Variants in FGF13 observed in about 807,000 individuals in gnomAD.
FGF13 encodes the protein fibroblast growth factor homologous factor 2.
A neutral mutation model predicts 19.5 loss-of-function variants in FGF13; 2 were observed. That is an observed-to-expected ratio of 0.10 (90% CI 0.04 to 0.32). FGF13 has a LOEUF of 0.32. Ranked by LOEUF, FGF13 falls within the 10% of genes least tolerant of loss-of-function variation. The probability of loss-of-function intolerance (pLI) is 1.00; values close to 1 mark genes in which losing one functional copy is unlikely to be tolerated. For synonymous variants in FGF13, 72 were observed against 76.9 expected (o/e 0.94, Z 0.33); for missense variants, 113 against 192.7 (o/e 0.59, Z 2.45).
At chrX:138,911,220 GC>G (rs772494021) in intron 1 of FGF13, among the ~76,000 whole-genome samples, 1 of 111,645 alleles carries the variant, frequency 9.0e-6, no homozygotes, top group Admixed American at 9.5e-5. Flanking sequence ...GCACCTCCAG[GC>G]CATTGTTCCA....
chrX:138,737,224 C>A, intron 1 of FGF13, among the ~76,000 whole-genome samples: 1 of 111,150 alleles, frequency 9.0e-6, no homozygotes, highest in Middle Eastern at 4.6e-3. Context: ...CTTGTGGATG[C>A]GGTGGCTGGG....
intron 1 of FGF13, among the ~76,000 whole-genome samples, chrX:139,175,432 T>C (rs1368038877): frequency 8.9e-6 from 1 of 112,020 alleles, no homozygotes; most frequent in Non-Finnish European, 1.9e-5. Context: ...GAACTTCCAA[T>C]ACAATGTTGA....
intron 1 of FGF13, among the ~76,000 whole-genome samples, chrX:139,061,424 A>G (rs765021954): frequency 1.4e-4 from 15 of 110,992 alleles, no homozygotes; most frequent in Non-Finnish European, 2.6e-4. Flanking sequence ...TTAGTTACCC[A>G]GAGAGAATGC....
intron 1 of FGF13, among the ~76,000 whole-genome samples, chrX:139,148,269 T>C (rs747237420): frequency 9.0e-6 from 1 of 111,455 alleles, no homozygotes; most frequent in Non-Finnish European, 1.9e-5. Flanking sequence ...TTTTTTCCTG[T>C]TTCCTCACTC....
In FGF13 at chrX:138,616,731, G is replaced by A. The variant is rs1374707016; in HGVS notation, c.*16119C>T. 1 of 112,415 alleles carries A rather than the reference G, an allele frequency of 8.9e-6. No individual in the cohort carries two copies. Among genetic ancestry groups the A allele is most frequent in the Admixed American group, 9.4e-5 (1 of 10,640 alleles). 9.3% of individuals were successfully genotyped at this position (112,415 alleles called of 1,213,427 possible). ...CTACCCCTGCAGCAGACTTCTGTCT[G>A]GACATCCAGGCATTTCCATACATCC... On this transcript the variant is annotated 3_prime_UTR_variant, in exon 5 of 5. Coordinates refer to ENST00000315930, the MANE Select transcript of FGF13 (RefSeq NM_004114.5).
Position 138,880,245 on chromosome X carries a change from A to G in FGF13, c.-112-15595T>C, listed in dbSNP as rs1326503759. On this transcript the variant is annotated intron_variant, in intron 1 of 2. Transcript: ENST00000421460. Reference sequence around the variant, plus strand: ...TACACTGTTGATGGGAGTGTAAATTAGTTCAACCATTGTGGAAGACAGTGT... The same window carrying G: ...TACACTGTTGATGGGAGTGTAAATTGGTTCAACCATTGTGGAAGACAGTGT... Among the ~76,000 whole-genome samples, 28 of 112,199 alleles carry G rather than the reference A, an allele frequency of 2.5e-4. No individual in the cohort carries two copies. The Admixed American group carries it at 2.6e-3, about 11-fold the overall frequency.
Position 139,054,117 on chromosome X carries a change from CTTTTTTTTTTTT to C in FGF13, c.-113+149287_-113+149298del, listed in dbSNP as rs58544411. On this transcript the variant is annotated intron_variant, in intron 1 of 2. Coordinates refer to the FGF13 transcript ENST00000421460. Reference sequence around the variant, plus strand: ...TGTTCTGTTCGATTGGTCTACGTGCCTTTTTTTTTTTTTTTTTTTTTTTTTGAGATGGAGTCT... The same window carrying C: ...TGTTCTGTTCGATTGGTCTACGTGCCTTTTTTTTTTTTTGAGATGGAGTCT... Among the ~76,000 whole-genome samples the C allele has an allele frequency of 1.2e-4, 4 of 33,959 alleles. No homozygotes were observed. In the East Asian group the frequency reaches 3.2e-3, roughly 27 times the overall value. The allele number at this position is 33,959 out of a possible 115,157, so 29.5% of individuals were successfully genotyped here. A position where few individuals can be genotyped will look rare whatever the true frequency, so the allele number is the denominator to read the frequency against.
intron 1 of FGF13, among the ~76,000 whole-genome samples, chrX:139,193,552 T>G (rs1014892600): frequency 9.0e-6 from 1 of 111,222 alleles, no homozygotes; most frequent in Non-Finnish European, 1.9e-5. Flanking sequence ...ATAGAAGCCC[T>G]GTACAGAAGT....
At chrX:139,113,914 C>A (rs2124466809) in intron 1 of FGF13, among the ~76,000 whole-genome samples, 1 of 112,024 alleles carries the variant, frequency 8.9e-6, no homozygotes, top group Admixed American at 9.5e-5. Flanking sequence ...CTCCAATATT[C>A]TCAGATTCTC....
chrX:139,009,440 T>C (rs1245717548), intron 1 of FGF13, among the ~76,000 whole-genome samples: 2 of 111,835 alleles, frequency 1.8e-5, no homozygotes, highest in Non-Finnish European at 3.8e-5. Flanking sequence ...ACTTATCAGA[T>C]GAACGCAGAT....
chrX:139,003,035 G>T (rs1481939912), intron 1 of FGF13, among the ~76,000 whole-genome samples: 1 of 112,367 alleles, frequency 8.9e-6, no homozygotes, highest in Non-Finnish European at 1.9e-5. Flanking sequence ...TGCACTTTAG[G>T]TACCAGTGTG....
chrX:138,997,830 G>C (rs746489095), intron 1 of FGF13, among the ~76,000 whole-genome samples: 1 of 111,400 alleles, frequency 9.0e-6, no homozygotes, highest in South Asian at 3.8e-4. Context: ...GAAACACAGA[G>C]AATACCACAA....
chrX:138,698,067 T>C (rs1036993666), intron 3 of FGF13, among the ~76,000 whole-genome samples: 5 of 110,055 alleles, frequency 4.5e-5, no homozygotes, highest in Non-Finnish European at 9.5e-5. Flanking sequence ...TGGACAAAAG[T>C]AAATATGTTA....
At chrX:139,102,541 C>T (rs1429927176) in intron 1 of FGF13, among the ~76,000 whole-genome samples, 2 of 112,198 alleles carry the variant, frequency 1.8e-5, no homozygotes, top group Admixed American at 9.4e-5. Context: ...CCTACCCTGA[C>T]GTCTTTTCTT....
chrX:139,110,264 GATAT>G (rs1159651479), intron 1 of FGF13, among the ~76,000 whole-genome samples: 1 of 109,717 alleles, frequency 9.1e-6, no homozygotes, highest in East Asian at 2.8e-4. Flanking sequence ...AACATAAAAA[GATAT>G]ATATATCTTT....
At chrX:139,110,558 G>T (rs937811754) in intron 1 of FGF13, among the ~76,000 whole-genome samples, 15 of 111,551 alleles carry the variant, frequency 1.3e-4, no homozygotes, top group Non-Finnish European at 2.8e-4. Context: ...ATGATTGTGA[G>T]GCCTTCCCAG....
intron 1 of FGF13, among the ~76,000 whole-genome samples, chrX:139,125,565 A>G (rs1272551182): frequency 8.9e-6 from 1 of 112,079 alleles, no homozygotes; most frequent in Non-Finnish European, 1.9e-5. Flanking sequence ...GCAGCAATTA[A>G]AACAAATGGA....
intron 1 of FGF13, among the ~76,000 whole-genome samples, chrX:139,186,580 A>G (rs2084284995): frequency 9.0e-6 from 1 of 111,686 alleles, no homozygotes; most frequent in African/African-American, 3.3e-5. Flanking sequence ...TGCATTTGAA[A>G]TGAAATCCAA....
At chrX:139,007,997 C>T (rs1047308601) in intron 1 of FGF13, among the ~76,000 whole-genome samples, 40 of 112,789 alleles carry the variant, frequency 3.5e-4, no homozygotes, top group African/African-American at 1.2e-3. Context: ...CTGCAGGCTG[C>T]AAGGCAGCGG....
Sources: gnomAD v4.1 joint callset for allele counts (sites outside exome capture counted in the v4.1 genomes callset) on GRCh38, gnomAD v4.1.1 for gene constraint, MANE v1.5 for transcripts, NCBI Gene and HGNC (gene_info 2026-07-23, HGNC 2026-07-21) for gene names.